Variants in RAP1GAP2 observed in about 807,000 individuals in gnomAD.
RAP1GAP2 encodes RAP1 GTPase activating protein 2.
A neutral mutation model predicts 95.0 loss-of-function variants in RAP1GAP2; 27 were observed. The ratio of observed to expected loss-of-function variants is 0.28; its 90% CI spans 0.21 to 0.39. The LOEUF (loss-of-function observed/expected upper bound fraction) is 0.39. Among genes scored for constraint, RAP1GAP2 ranks in the 10% least tolerant of loss-of-function variants. The pLI is 1.00. For synonymous variants in RAP1GAP2, 373 were observed against 380.9 expected (o/e 0.98, Z 0.24); for missense variants, 771 against 970.0 (o/e 0.79, Z 2.72).
chr17:2,762,762 G>A (rs1205629033), intron 1 of RAP1GAP2, among the ~76,000 whole-genome samples: 1 of 150,282 alleles, frequency 6.7e-6, no homozygotes, highest in African/African-American at 2.5e-5. Flanking sequence ...CCTAGCACTG[G>A]GTCTCGTCAC....
At chr17:3,026,155 G>C (rs2047107733) in intron 20 of RAP1GAP2, 34 bp downstream of exon 20, 1 of 1,517,664 alleles carries the variant, frequency 6.6e-7, no homozygotes, top group Non-Finnish European at 9.1e-7. Flanking sequence ...GCCAGCTTCG[G>C]CCACGTGGAG....
chr17:2,915,996 G>A (rs948680382), intron 3 of RAP1GAP2, among the ~76,000 whole-genome samples: 4 of 152,094 alleles, frequency 2.6e-5, no homozygotes, highest in Non-Finnish European at 5.9e-5. Flanking sequence ...CACTGCGCCC[G>A]GCTAGAAGCT....
chr17:2,916,107 G>C (rs1401009024), intron 3 of RAP1GAP2, among the ~76,000 whole-genome samples: 1 of 152,132 alleles, frequency 6.6e-6, no homozygotes, highest in East Asian at 1.9e-4. Flanking sequence ...TGGATACTCT[G>C]TTGTTCCAGT....
At chr17:2,837,814 G>A (rs2071203508) in intron 2 of RAP1GAP2, among the ~76,000 whole-genome samples, 1 of 151,522 alleles carries the variant, frequency 6.6e-6, no homozygotes, top group South Asian at 2.1e-4. Context: ...CGCCGTGTTA[G>A]CCAGGATGGT....
At chr17:2,810,768 A>G (rs2069737468) in intron 2 of RAP1GAP2, among the ~76,000 whole-genome samples, 1 of 151,916 alleles carries the variant, frequency 6.6e-6, no homozygotes, top group Non-Finnish European at 1.5e-5. Flanking sequence ...TGACCTCGTG[A>G]TCCGCCCGCC....
intron 8 of RAP1GAP2, 23 bp from the exon 9 acceptor site, chr17:2,980,264 C>CT (rs760668028): frequency 3.7e-6 from 6 of 1,612,408 alleles, no homozygotes; most frequent in Non-Finnish European, 4.2e-6. Context: ...TAGGGATGTC[C>CT]TTTTTTCTCC....
chr17:2,969,685 G>A (rs971923328), intron 8 of RAP1GAP2, among the ~76,000 whole-genome samples: 2 of 151,556 alleles, frequency 1.3e-5, no homozygotes, highest in Non-Finnish European at 2.9e-5. Context: ...TGTATTTTCA[G>A]TAGAGATGGG....
At chr17:2,787,911 A>G (rs1480255062) in intron 1 of RAP1GAP2, among the ~76,000 whole-genome samples, 4 of 152,216 alleles carry the variant, frequency 2.6e-5, no homozygotes, top group Non-Finnish European at 5.9e-5. Flanking sequence ...ATCTTCATAT[A>G]TTAACATATA....
intron 2 of RAP1GAP2, among the ~76,000 whole-genome samples, chr17:2,865,277 A>G (rs1005488117): frequency 2.0e-5 from 3 of 152,120 alleles, no homozygotes; most frequent in Non-Finnish European, 4.4e-5. Context: ...CCTGTTAAGG[A>G]GTTAAGAACT....
At position 3,004,401 on chromosome 17, in the gene RAP1GAP2, C is replaced by T. The variant is rs1452069136; in HGVS notation, c.1201-968C>T. The stretch of plus-strand genomic sequence containing the variant: ...TGCTCACCCGGCCTGGCAGACTCTG[C>T]ATCTGCTCCACTTCACAGGCCGGGG... On this transcript the variant is annotated intron_variant, in intron 14 of 24. Coordinates refer to ENST00000254695, the MANE Select transcript of RAP1GAP2 (RefSeq NM_015085.5). This position sits in a 1 kb window ranked among gnomAD's most constrained non-coding sequence, Gnocchi z 4.1. 2.0e-5 allele frequency among the ~76,000 whole-genome samples: 3 copies of T among 152,242 alleles called. No homozygotes were observed. Among genetic ancestry groups the T allele is most frequent in the Admixed American group, 1.3e-4 (2 of 15,290 alleles).
chr17:2,807,096 C>T (rs1036272383), intron 2 of RAP1GAP2, among the ~76,000 whole-genome samples: 11 of 151,386 alleles, frequency 7.3e-5, no homozygotes, highest in African/African-American at 2.7e-4. Context: ...GGGGTTTCGC[C>T]GTGTTGGCCA....
intron 4 of RAP1GAP2, among the ~76,000 whole-genome samples, chr17:2,959,136 G>A (rs2044221284): frequency 6.6e-6 from 1 of 152,126 alleles, no homozygotes; most frequent in African/African-American, 2.4e-5. Context: ...GGGGTTTGCA[G>A]CCCACCCAGC....
rs1056014184 is a variant in RAP1GAP2 at position 2,857,562 on chromosome 17, CT to C, written c.81-47719del. On this transcript the variant is annotated intron_variant, in intron 2 of 24. Transcript: ENST00000254695. The surrounding 1 kb of genome is among the most constrained non-coding windows in gnomAD (Gnocchi z 4.0). ...GGAGGTTATGCCTTTTTCTGCCCAT[CT>C]TTCAGGGTTTCTGGCACATGGGATC... Among the ~76,000 whole-genome samples the C allele has an allele frequency of 6.6e-6, 1 of 152,190 alleles. No individual in the cohort carries two copies. Among genetic ancestry groups the C allele is most frequent in the Admixed American group, 6.5e-5 (1 of 15,286 alleles).
intron 2 of RAP1GAP2, among the ~76,000 whole-genome samples, chr17:2,811,780 C>T (rs1271027277): frequency 6.6e-6 from 1 of 152,012 alleles, no homozygotes; most frequent in Admixed American, 6.6e-5. Flanking sequence ...GGTTTCACCA[C>T]GTTGAGCAGG....
At chr17:2,886,175 T>A (rs202212852) in intron 2 of RAP1GAP2, among the ~76,000 whole-genome samples, 37,559 of 93,066 alleles carry the variant, frequency 0.4, 5,932 homozygotes, top group South Asian at 0.52. Flanking sequence ...ATATATATTT[T>A]TTTTTTTTTT....
At chr17:2,911,912 C>G (rs982552869) in intron 3 of RAP1GAP2, among the ~76,000 whole-genome samples, 2 of 152,176 alleles carry the variant, frequency 1.3e-5, no homozygotes, top group African/African-American at 4.8e-5. Context: ...GGAGCCGCAC[C>G]GGGCCCTGAG....
At chr17:2,927,399 C>A (rs368266109) in intron 3 of RAP1GAP2, among the ~76,000 whole-genome samples, 18 of 151,842 alleles carry the variant, frequency 1.2e-4, no homozygotes, top group East Asian at 3.9e-4. Flanking sequence ...GTGATCCGCC[C>A]GCCTTGGCCT....
rs2042119636 is a variant in RAP1GAP2, at chr17:2,904,355, A to T, written c.81-929A>T. ...CTCCCCGGTCACCAGCGAGGGCCAG[A>T]TGGAAAGTGGGGAGTGTGTGAGCGC... On this transcript the variant is annotated intron_variant, in intron 2 of 24. Transcript: ENST00000254695. This position sits in a 1 kb window ranked among gnomAD's most constrained non-coding sequence, Gnocchi z 4.7. 6.6e-6 allele frequency among the ~76,000 whole-genome samples: 1 copy of T among 152,114 alleles called. No individual in the cohort carries two copies. Among genetic ancestry groups the T allele is most frequent in the Non-Finnish European group, 1.5e-5 (1 of 68,020 alleles).
chr17:2,860,556 G>A (rs1242317038), intron 2 of RAP1GAP2, among the ~76,000 whole-genome samples: 1 of 149,646 alleles, frequency 6.7e-6, no homozygotes, highest in Admixed American at 6.7e-5. Context: ...TCTCTCCTGT[G>A]GAAAGCTCTC....
Sources: gnomAD v4.1 joint callset for allele counts (sites outside exome capture counted in the v4.1 genomes callset) on GRCh38, gnomAD v4.1.1 for gene constraint, Gnocchi (gnomAD v3.1) non-coding constraint, MANE v1.5 for transcripts, NCBI Gene and HGNC (gene_info 2026-07-23, HGNC 2026-07-21) for gene names.